The following MICB variants were observed in gnomAD, a reference collection of about 807,000 sequenced individuals.
The protein encoded by MICB is MHC class I antigen-related protein B.
A neutral mutation model predicts 34.3 loss-of-function variants in MICB; 27 were observed. The ratio of observed to expected loss-of-function variants is 0.79; its 90% confidence interval spans 0.58 to 1.08. MICB has a LOEUF of 1.08. Ranked by LOEUF, MICB falls within the 50% of genes least tolerant of loss-of-function variation. The pLI, the probability that MICB is intolerant of heterozygous loss-of-function variation, is 0.00. For missense variants in MICB, 426 were observed against 483.1 expected (o/e 0.88, Z 1.11); for synonymous variants, 153 against 187.4 (o/e 0.82, Z 1.50).
intron 2 of MICB, 94 bp from the exon 3 acceptor site, chr6:31,506,049 G>A (rs60194970): frequency 2.9e-5 from 44 of 1,498,012 alleles, no homozygotes; most frequent in Non-Finnish European, 3.7e-5. Context: ...GCATGGAGGA[G>A]GGCCAGGGAG....
rs1426570919 is a variant in MICB, at chr6:31,506,270, A to G, written c.453A>G (p.Thr151=). The change falls in exon 3 of 6, where the codon ACA becomes ACG. Residue 151 remains threonine (T), a synonymous_variant. Transcript: ENST00000252229. ...LSQNLETQES[T]VPQSSRAQTL... ...AAAACCTGGAGACTCAAGAATCGAC[A>G]GTGCCCCAGTCCTCCAGAGCTCAGA... 1 of 1,614,210 alleles carries G rather than the reference A, an allele frequency of 6.2e-7. No homozygotes were observed. The highest frequency in any genetic ancestry group is 8.5e-7 in the Non-Finnish European group (1 of 1,180,020).
chr6:31,507,680 G>A lies in MICB; in HGVS notation c.1024+149G>A. ...GGTATTTGGGAGGGGAATGGGAGCT[G>A]CATCTCCATCTACACCCATAAGTGC... On this transcript the variant is annotated intron_variant, in intron 5 of 5. Transcript: ENST00000252229. This position sits in a 1 kb window ranked among gnomAD's most constrained non-coding sequence, Gnocchi z 6.0. 1.1e-6 allele frequency: 1 copy of A among 908,100 alleles called. No homozygotes were observed. Among genetic ancestry groups the A allele is most frequent in the Non-Finnish European group, 1.6e-6 (1 of 617,738 alleles). The allele number at this position is 908,100 out of a possible 1,614,324, so 56.3% of individuals were successfully genotyped here.
chr6:31,506,050 G>A, intron 2 of MICB, 93 bp from the exon 3 acceptor site: 1 of 1,500,658 alleles, frequency 6.7e-7, no homozygotes, highest in Non-Finnish European at 8.9e-7. Flanking sequence ...CATGGAGGAG[G>A]GCCAGGGAGG....
chr6:31,507,218 C>G lies in MICB; in HGVS notation c.810C>G (p.Thr270=), dbSNP rs762474861. 1 of 1,614,080 alleles carries G rather than the reference C, an allele frequency of 6.2e-7. No homozygotes were observed. The highest frequency in any genetic ancestry group is 1.7e-5 in the Admixed American group (1 of 60,016). ...GNGTYQTWVA[T]RIRQGEEQRF... ...GAACCTACCAGACCTGGGTGGCCAC[C>G]AGGATTCGCCAAGGAGAGGAGCAGA... Residue 270 remains threonine (T), a synonymous_variant, in exon 4 of 6, where the codon ACC becomes ACG. Transcript: ENST00000252229. This position sits in a 1 kb window ranked among gnomAD's most constrained non-coding sequence, Gnocchi z 6.0.
chr6:31,500,962 G>A (rs1237022325), intron 1 of MICB, among the ~76,000 whole-genome samples: 1 of 152,152 alleles, frequency 6.6e-6, no homozygotes. Context: ...GAGTGCTGGA[G>A]CATATGACAG....
At chr6:31,504,558 C>T (rs1765193160) in intron 1 of MICB, among the ~76,000 whole-genome samples, 1 of 141,084 alleles carries the variant, frequency 7.1e-6, no homozygotes, top group Non-Finnish European at 1.6e-5. Flanking sequence ...CACGCCTGGC[C>T]TTCTGGAAAC....
Position 31,509,919 on chromosome 6 carries a change from C to A in MICB, c.*10C>A. ...CACTGAGGGCACCTAGACTCTACAG[C>A]CAGGCGGCCAGGATTCAACTCCCTG... On this transcript the variant is annotated 3_prime_UTR_variant, in exon 6 of 6. Transcript: ENST00000252229. 1 of 1,587,372 alleles carries A rather than the reference C, an allele frequency of 6.3e-7. No individual in the cohort carries two copies. The highest frequency in any genetic ancestry group is 8.6e-7 in the Non-Finnish European group (1 of 1,166,690).
At chr6:31,500,969 A>G (rs912773270) in intron 1 of MICB, among the ~76,000 whole-genome samples, 4 of 152,160 alleles carry the variant, frequency 2.6e-5, no homozygotes, top group African/African-American at 9.7e-5. Flanking sequence ...GGAGCATATG[A>G]CAGCTCTATT....
chr6:31,505,839 G>T lies in MICB; in HGVS notation c.293G>T (p.Arg98Met). 1.2e-6 allele frequency: 2 copies of T among 1,611,510 alleles called. No homozygotes were observed. The highest frequency in any genetic ancestry group is 1.7e-6 in the Non-Finnish European group (2 of 1,179,182). The change falls in exon 2 of 6, where the codon AGG becomes ATG. Residue 98 changes from arginine (R) to methionine (M), a missense_variant. Physicochemically the swap from Arg to Met is moderately conservative, Grantham distance 91. Coordinates refer to ENST00000252229, the MANE Select transcript of MICB (RefSeq NM_005931.5). ...DLTENGQDLR[R>M]TLTHIKDQKG... ...ACAGAGAATGGGCAAGACCTCAGGAGGACCCTGACTCATATCAAGGACCAG... is the reference window on the plus strand; with the variant it reads ...ACAGAGAATGGGCAAGACCTCAGGATGACCCTGACTCATATCAAGGACCAG...
Position 31,498,280 on chromosome 6 carries a change from G to A in MICB, c.70+17G>A, listed in dbSNP as rs3828919. 0.067 allele frequency: 102,723 copies of A among 1,537,036 alleles called. 6,061 individuals carry two copies. The highest frequency in any genetic ancestry group is 0.25 in the South Asian group (21,944 of 86,234). Reference sequence around the variant, plus strand: ...CCGCCGCTGGTGAGTGGGGTTCCTGGCGGTCCCCGGCGGAGCGGGAGCGGC... The same window carrying A: ...CCGCCGCTGGTGAGTGGGGTTCCTGACGGTCCCCGGCGGAGCGGGAGCGGC... On this transcript the variant is annotated intron_variant, in intron 1 of 5. Coordinates refer to ENST00000252229, the MANE Select transcript of MICB (RefSeq NM_005931.5).
At chr6:31,499,062 G>T (rs1764872576) in intron 1 of MICB, among the ~76,000 whole-genome samples, 1 of 152,068 alleles carries the variant, frequency 6.6e-6, no homozygotes. Flanking sequence ...CTGGAGTTGG[G>T]GCCCTCCTTT....
upstream of MICB, chr6:31,496,674 CTT>C (rs9279320): frequency 0.077 from 11,235 of 145,666 alleles, 523 homozygotes; most frequent in Middle Eastern, 0.23. Context: ...ACCCTTTTTC[CTT>C]TTTTTTTTTT....
chr6:31,501,017 C>G (rs1036142056), intron 1 of MICB, among the ~76,000 whole-genome samples: 4 of 152,148 alleles, frequency 2.6e-5, no homozygotes, highest in African/African-American at 9.7e-5. Context: ...ACATTATTTC[C>G]CACAGTGGTT....
intron 1 of MICB, among the ~76,000 whole-genome samples, 183 bp downstream of exon 1, chr6:31,498,446 CTTTTTTTTTTTTTTTTTTT>C (rs9279321): frequency 2.3e-3 from 204 of 89,304 alleles, no homozygotes; most frequent in Middle Eastern, 0.016. Flanking sequence ...TCTCCCGTCT[CTTTTTTTTTTTTTTTTTTT>C]TTTTTTTTTT....
chr6:31,496,254 T>G (rs1238243417), upstream of MICB, among the ~76,000 whole-genome samples: 1 of 152,224 alleles, frequency 6.6e-6, no homozygotes, highest in African/African-American at 2.4e-5. Flanking sequence ...AGAATTCACA[T>G]GCCACACATA....
At position 31,507,046 on chromosome 6, in the gene MICB, G is replaced by C; in HGVS notation, c.638G>C (p.Cys213Ser). 1 of 1,613,810 alleles carries C rather than the reference G, an allele frequency of 6.2e-7. No individual in the cohort carries two copies. The change falls in exon 4 of 6, where the codon TGC (cysteine) becomes TCC (serine). Residue 213 changes from cysteine to serine, a missense_variant. Coordinates refer to ENST00000252229, the MANE Select transcript of MICB (RefSeq NM_005931.5). The surrounding 1 kb of genome is among the most constrained non-coding windows in gnomAD (Gnocchi z 6.0). Reference sequence around the variant, plus strand: ...GTGCCCCCCATGGTGAATGTCACCTGCAGCGAGGTCTCAGAGGGCAACATC... The same window carrying C: ...GTGCCCCCCATGGTGAATGTCACCTCCAGCGAGGTCTCAGAGGGCAACATC... ...RTVPPMVNVTCSEVSEGNITV... is the reference protein window; with the variant it reads ...RTVPPMVNVTSSEVSEGNITV...
At chr6:31,497,387 C>T (rs1764722989), upstream of MICB, among the ~76,000 whole-genome samples, 1 of 151,972 alleles carries the variant, frequency 6.6e-6, no homozygotes, top group Admixed American at 6.6e-5. Context: ...AAAAGGGAGT[C>T]TGGAGAGAGC....
chr6:31,498,230 G>T lies in MICB; in HGVS notation c.37G>T (p.Ala13Ser). The change falls in exon 1 of 6, where the codon GCC (alanine) becomes TCC (serine). Residue 13 changes from alanine (A) to serine (S), a missense_variant. Coordinates refer to ENST00000252229, the MANE Select transcript of MICB (RefSeq NM_005931.5). ...LGRVLLFLAV[A>S]FPFAPPAAAA... ...CCGGGTCCTGCTGTTTCTGGCCGTC[G>T]CCTTCCCTTTTGCACCCCCGGCAGC... is the stretch of plus-strand genomic sequence containing the variant. 1.3e-6 allele frequency: 2 copies of T among 1,583,864 alleles called. No homozygotes were observed. Among genetic ancestry groups the T allele is most frequent in the Non-Finnish European group, 8.6e-7 (1 of 1,163,378 alleles).
chr6:31,499,488 C>T (rs1764901458), intron 1 of MICB, among the ~76,000 whole-genome samples: 2 of 152,066 alleles, frequency 1.3e-5, no homozygotes, highest in Non-Finnish European at 2.9e-5. Context: ...TCCGTGCTGC[C>T]CCTATGCCTC....
Sources: allele counts gnomAD v4.1 joint callset (sites outside exome capture counted in the v4.1 genomes callset), GRCh38; gene constraint gnomAD v4.1.1; non-coding constraint Gnocchi (gnomAD v3.1); transcripts MANE v1.5; gene names NCBI Gene and HGNC (gene_info 2026-07-23, HGNC 2026-07-21).